EIF4E3: variants seen among roughly 807,000 people sequenced by gnomAD.
The protein encoded by EIF4E3 is eukaryotic translation initiation factor 4E family member 3.
A neutral mutation model predicts 31.7 loss-of-function variants in EIF4E3; 26 were observed. The ratio of observed to expected loss-of-function variants is 0.82; its 90% CI spans 0.60 to 1.14. The LOEUF is 1.14. Ranked by LOEUF, EIF4E3 falls within the 50% of genes most tolerant of loss-of-function variation. EIF4E3 has a pLI of 0.00. For missense variants in EIF4E3, 304 were observed against 270.9 expected, an observed-to-expected ratio of 1.12 and a Z score of -0.86; for synonymous variants, 128 against 107.7, an observed-to-expected ratio of 1.19 and a Z score of -1.17.
the EIF4E3 span, among the ~76,000 whole-genome samples, chr3:71,668,277 G>C: frequency 2.0e-5 from 3 of 152,098 alleles, no homozygotes; most frequent in Non-Finnish European, 4.4e-5. Flanking sequence ...AGATGTAAAC[G>C]TAAGACCTAA....
At chr3:71,712,635 T>TGGGGGGGGGGG (rs760932981) in intron 1 of EIF4E3, among the ~76,000 whole-genome samples, 3 of 59,342 alleles carry the variant, frequency 5.1e-5, no homozygotes, top group East Asian at 4.8e-4. Flanking sequence ...TTGCGGGGGG[T>TGGGGGGGGGGG]GGGCGGGGGA....
chr3:71,660,336 A>T, the EIF4E3 span, among the ~76,000 whole-genome samples: 1 of 152,184 alleles, frequency 6.6e-6, no homozygotes, highest in Admixed American at 6.5e-5. Flanking sequence ...AAGCTGAAAA[A>T]AAAAAGAAAG....
intron 1 of EIF4E3, among the ~76,000 whole-genome samples, chr3:71,747,831 T>A (rs1471582823): frequency 1.3e-5 from 2 of 152,206 alleles, no homozygotes; most frequent in Admixed American, 1.3e-4. Context: ...TTCATTCTCT[T>A]GCATGTGGAG....
chr3:71,721,845 A>C (rs1205827451), intron 1 of EIF4E3, among the ~76,000 whole-genome samples: 1 of 152,130 alleles, frequency 6.6e-6, no homozygotes, highest in Non-Finnish European at 1.5e-5. Context: ...TGAGAAGGTG[A>C]CATGTGAGCA....
chr3:71,731,770 C>G (rs1237040177), intron 1 of EIF4E3, among the ~76,000 whole-genome samples: 1 of 152,216 alleles, frequency 6.6e-6, no homozygotes, highest in African/African-American at 2.4e-5. Context: ...CTTCTTTGTT[C>G]AAAAGCCCTA....
In EIF4E3 at chr3:71,683,270, C is replaced by T. The variant is rs899056322; in HGVS notation, c.*1412G>A. The T allele has an allele frequency of 1.3e-5, 2 of 152,206 alleles. No homozygotes were observed. Among genetic ancestry groups the T allele is most frequent in the Admixed American group, 6.5e-5 (1 of 15,278 alleles). 9.4% of individuals were successfully genotyped at this position (152,206 alleles called of 1,614,324 possible). On this transcript the variant is annotated 3_prime_UTR_variant, in exon 7 of 7. Coordinates refer to ENST00000425534, the MANE Select transcript of EIF4E3 (RefSeq NM_001134651.2). ...GGAGGCTTAAAGTAGCCTCAAGTCTCTCTGCTGGTCAACACTGCAAGAGGA... is the reference window on the plus strand; with the variant it reads ...GGAGGCTTAAAGTAGCCTCAAGTCTTTCTGCTGGTCAACACTGCAAGAGGA...
the EIF4E3 span, among the ~76,000 whole-genome samples, chr3:71,660,517 C>T: frequency 6.6e-6 from 1 of 152,138 alleles, no homozygotes; most frequent in East Asian, 1.9e-4. Context: ...GAGAGAGCGA[C>T]ATCTGAATAG....
chr3:71,704,600 G>A (rs1048688117), intron 2 of EIF4E3, among the ~76,000 whole-genome samples: 1 of 152,188 alleles, frequency 6.6e-6, no homozygotes, highest in South Asian at 2.1e-4. Context: ...GGACAACAGG[G>A]CCTGGGGTCT....
chr3:71,688,863 A>C (rs558301680), intron 6 of EIF4E3, among the ~76,000 whole-genome samples: 1 of 152,338 alleles, frequency 6.6e-6, no homozygotes, highest in East Asian at 1.9e-4. Flanking sequence ...AAAATTCAGA[A>C]TATCTGTAGT....
chr3:71,673,892 A>G (rs1032953403), downstream of EIF4E3, among the ~76,000 whole-genome samples: 1 of 146,204 alleles, frequency 6.8e-6, no homozygotes, highest in African/African-American at 2.5e-5. Flanking sequence ...GCCAGGATTA[A>G]AATAATAATA....
At chr3:71,663,129 GAGA>G in the EIF4E3 span, among the ~76,000 whole-genome samples, 20 of 152,260 alleles carry the variant, frequency 1.3e-4, no homozygotes, top group Non-Finnish European at 1.6e-4. Flanking sequence ...CCCATCAGAA[GAGA>G]AGAACAGGTG....
intron 1 of EIF4E3, among the ~76,000 whole-genome samples, chr3:71,752,391 T>G (rs1343031489): frequency 6.6e-6 from 1 of 152,162 alleles, no homozygotes; most frequent in Admixed American, 6.5e-5. Context: ...GTCGCTCCCC[T>G]TCTCAAAAGA....
intron 4 of EIF4E3, 102 bp downstream of exon 4, chr3:71,696,358 C>T: frequency 7.9e-7 from 1 of 1,268,196 alleles, no homozygotes; most frequent in East Asian, 2.3e-5. Context: ...TGTTTGGGGA[C>T]TGCCAGGTAA....
At chr3:71,750,900 A>T (rs925284373) in intron 1 of EIF4E3, among the ~76,000 whole-genome samples, 5 of 150,812 alleles carry the variant, frequency 3.3e-5, no homozygotes, top group African/African-American at 1.2e-4. Context: ...AGTAGCTGGG[A>T]CTACAGGCGC....
chr3:71,708,175 C>T (rs1343191882), intron 2 of EIF4E3, among the ~76,000 whole-genome samples: 1 of 152,122 alleles, frequency 6.6e-6, no homozygotes, highest in Non-Finnish European at 1.5e-5. Context: ...TGCTCGGCCT[C>T]ATTCATTCAT....
chr3:71,702,609 C>G (rs914159985), intron 2 of EIF4E3, among the ~76,000 whole-genome samples: 2 of 151,572 alleles, frequency 1.3e-5, no homozygotes, highest in African/African-American at 4.9e-5. Flanking sequence ...GAAGAGATTA[C>G]AGCCCAAGAA....
rs143286763 is a variant in EIF4E3 at position 71,730,690 on chromosome 3, G to C, written c.-290-2067C>G. On this transcript the variant is annotated intron_variant, in intron 1 of 7. Coordinates refer to the EIF4E3 transcript ENST00000295612. ...TCTCGTCCTGATCTGCCTGCAATCC[G>C]TGTGTTGGTCTTCCTTCTTTTTTTC... Among the ~76,000 whole-genome samples, 4 of 152,146 alleles carry C rather than the reference G, an allele frequency of 2.6e-5. No individual in the cohort carries two copies. In the South Asian group the frequency reaches 6.2e-4, roughly 24 times the overall value.
upstream of EIF4E3, chr3:71,728,660 C>T (rs1420477192): frequency 1.3e-5 from 2 of 152,678 alleles, no homozygotes; most frequent in Non-Finnish European, 2.9e-5. Flanking sequence ...TTGAGGCACT[C>T]ATAAATAATT....
chr3:71,685,429 G>T (rs2108008678), intron 6 of EIF4E3, among the ~76,000 whole-genome samples: 1 of 152,210 alleles, frequency 6.6e-6, no homozygotes, highest in South Asian at 2.1e-4. Flanking sequence ...GCGCAATCTT[G>T]GCTCACTGCA....
Sources: gnomAD v4.1 joint callset for allele counts (sites outside exome capture counted in the v4.1 genomes callset) on GRCh38, gnomAD v4.1.1 for gene constraint, MANE v1.5 for transcripts, NCBI Gene and HGNC (gene_info 2026-07-23, HGNC 2026-07-21) for gene names.